The following EYS variants were observed in gnomAD, a reference collection of about 807,000 sequenced individuals.
The protein encoded by EYS is protein eyes shut homolog.
A neutral mutation model predicts 282.1 loss-of-function variants in EYS; 250 were observed. The ratio of observed to expected loss-of-function variants is 0.89; its 90% CI spans 0.80 to 0.98. The LOEUF is 0.98. Among genes scored for constraint, EYS ranks in the 50% least tolerant of loss-of-function variants. The probability of loss-of-function intolerance (pLI) is 0.00; values close to 1 mark genes in which losing one functional copy is unlikely to be tolerated. For missense variants in EYS, 4,016 were observed against 3,709.0 expected, an observed-to-expected ratio of 1.08 and a Z score of -2.15; for synonymous variants, 1,355 against 1,282.9, an observed-to-expected ratio of 1.06 and a Z score of -1.20.
intron 2 of EYS, among the ~76,000 whole-genome samples, chr6:65,566,902 T>G (rs890634446): frequency 6.6e-6 from 1 of 152,160 alleles, no homozygotes; most frequent in African/African-American, 2.4e-5. Flanking sequence ...AAAGAAAATT[T>G]GTTTACCACA....
intron 1 of EYS, among the ~76,000 whole-genome samples, chr6:65,690,396 C>T (rs1373157590): frequency 6.7e-6 from 1 of 149,586 alleles, no homozygotes; most frequent in Non-Finnish European, 1.5e-5. Context: ...GACAGGTGCC[C>T]CTCATGCGTC....
chr6:65,018,019 T>A (rs1772109987), intron 13 of EYS, among the ~76,000 whole-genome samples: 1 of 152,118 alleles, frequency 6.6e-6, no homozygotes, highest in South Asian at 2.1e-4. Flanking sequence ...TAATGACAGG[T>A]GAATTTATGG....
At chr6:65,384,307 G>C in intron 8 of EYS, 79 bp downstream of exon 8, 1 of 781,828 alleles carries the variant, frequency 1.3e-6, no homozygotes, top group Non-Finnish European at 2.2e-6. Context: ...AGATTAATAA[G>C]AGCATTTGAA....
chr6:65,198,081 T>G (rs962557424), intron 12 of EYS, among the ~76,000 whole-genome samples: 2 of 152,154 alleles, frequency 1.3e-5, no homozygotes, highest in African/African-American at 4.8e-5. Flanking sequence ...TTTATTTATA[T>G]AGGCTTTTTT....
chr6:64,729,778 G>C (rs528175695), intron 22 of EYS, among the ~76,000 whole-genome samples: 3 of 151,934 alleles, frequency 2.0e-5, no homozygotes, highest in Non-Finnish European at 4.4e-5. Context: ...TGTTATTATG[G>C]ATACAAACGA....
rs757487849 is a variant in EYS at position 65,254,737 on chromosome 6, G to A, written c.2023+41126C>T. On this transcript the variant is annotated intron_variant, in intron 12 of 42. Coordinates refer to ENST00000503581, the MANE Select transcript of EYS (RefSeq NM_001142800.2). ...AATAAGTGGATGTTTGGTGCCTTGC[G>A]GAATAATGTTTCTTCTAATATTTAT... Among the ~76,000 whole-genome samples, 50 of 151,668 alleles carry A rather than the reference G, an allele frequency of 3.3e-4. 2 individuals carry two copies. The highest frequency in any genetic ancestry group is 6.2e-4 in the South Asian group (3 of 4,822).
intron 26 of EYS, among the ~76,000 whole-genome samples, chr6:64,442,813 G>T (rs1424350418): frequency 1.4e-5 from 2 of 142,170 alleles, no homozygotes; most frequent in Admixed American, 7.1e-5. Context: ...GATTTCAGAA[G>T]ATATATGGAA....
chr6:64,946,261 ATAAC>A (rs1424338326), intron 14 of EYS, among the ~76,000 whole-genome samples: 7 of 152,066 alleles, frequency 4.6e-5, no homozygotes, highest in Non-Finnish European at 8.8e-5. Flanking sequence ...GTATAACTAA[ATAAC>A]TAATTAAACA....
At chr6:64,080,303 T>C (rs1771920132) in intron 32 of EYS, among the ~76,000 whole-genome samples, 1 of 152,246 alleles carries the variant, frequency 6.6e-6, no homozygotes, top group Admixed American at 6.5e-5. Flanking sequence ...ATTTCTCCGA[T>C]GGCCAGTGAT....
intron 16 of EYS, among the ~76,000 whole-genome samples, chr6:64,909,409 T>C (rs1450330483): frequency 1.3e-5 from 2 of 152,196 alleles, no homozygotes; most frequent in East Asian, 1.9e-4. Flanking sequence ...CATTTGTTTA[T>C]AGAAATCTCA....
At chr6:64,830,202 C>G (rs2150027489) in intron 19 of EYS, among the ~76,000 whole-genome samples, 1 of 152,066 alleles carries the variant, frequency 6.6e-6, no homozygotes, top group Non-Finnish European at 1.5e-5. Flanking sequence ...AAATGACTTT[C>G]ACTGGACATC....
intron 31 of EYS, among the ~76,000 whole-genome samples, chr6:64,142,021 G>A (rs1254776064): frequency 6.6e-6 from 1 of 152,052 alleles, no homozygotes; most frequent in Non-Finnish European, 1.5e-5. Flanking sequence ...GAAGTGTAAT[G>A]TTTTCATCAG....
chr6:65,618,767 C>T (rs78755300), intron 2 of EYS, among the ~76,000 whole-genome samples: 40,675 of 152,086 alleles, frequency 0.27, 7,245 homozygotes, highest in African/African-American at 0.52. Context: ...CAGCTTTCTA[C>T]ATATGGCTAG....
intron 22 of EYS, among the ~76,000 whole-genome samples, chr6:64,773,121 C>T (rs1390744801): frequency 6.6e-6 from 1 of 151,740 alleles, no homozygotes; most frequent in Non-Finnish European, 1.5e-5. Flanking sequence ...TTTCAATCCT[C>T]ACCCTACTCA....
chr6:65,606,610 C>A (rs1304529257), intron 2 of EYS, among the ~76,000 whole-genome samples: 1 of 151,714 alleles, frequency 6.6e-6, no homozygotes, highest in Non-Finnish European at 1.5e-5. Flanking sequence ...GGATGATGCA[C>A]AACTCAAAAT....
At position 65,603,044 on chromosome 6, in the gene EYS, G is replaced by A. The variant is rs1025501373; in HGVS notation, c.-333+36734C>T. On this transcript the variant is annotated intron_variant, in intron 2 of 42. Coordinates refer to ENST00000503581, the MANE Select transcript of EYS (RefSeq NM_001142800.2). ...ATAGTAACTGAGATTCAGAAATGTGGATACACTTGATACAAATACTCTAAA... is the reference window on the plus strand; with the variant it reads ...ATAGTAACTGAGATTCAGAAATGTGAATACACTTGATACAAATACTCTAAA... Among the ~76,000 whole-genome samples the A allele has an allele frequency of 6.6e-5, 10 of 151,842 alleles. No homozygotes were observed. The East Asian group carries it at 1.4e-3, about 21-fold the overall frequency.
At chr6:63,832,792 G>C (rs1331940766) in intron 36 of EYS, among the ~76,000 whole-genome samples, 1 of 152,024 alleles carries the variant, frequency 6.6e-6, no homozygotes, top group Admixed American at 6.6e-5. Context: ...AATATTCCTG[G>C]TGAACATCAA....
intron 5 of EYS, among the ~76,000 whole-genome samples, chr6:65,437,875 A>G (rs1252050459): frequency 6.6e-6 from 1 of 152,052 alleles, no homozygotes; most frequent in African/African-American, 2.4e-5. Flanking sequence ...TTTCAATTAT[A>G]CTTTAAGTTC....
At chr6:64,696,231 G>C (rs114289109) in intron 22 of EYS, among the ~76,000 whole-genome samples, 1 of 152,116 alleles carries the variant, frequency 6.6e-6, no homozygotes, top group Non-Finnish European at 1.5e-5. Flanking sequence ...ACATTTGAAA[G>C]CTTCAACAGT....
Sources: gnomAD v4.1 joint callset for allele counts (sites outside exome capture counted in the v4.1 genomes callset) on GRCh38, gnomAD v4.1.1 for gene constraint, MANE v1.5 for transcripts, NCBI Gene and HGNC (gene_info 2026-07-23, HGNC 2026-07-21) for gene names.